ADAR: variants seen among roughly 807,000 people sequenced by gnomAD.
The protein encoded by ADAR is double-stranded RNA-specific adenosine deaminase.
In ADAR, 41 loss-of-function variants were observed where a neutral mutation model predicts 113.2. The ratio of observed to expected loss-of-function variants is 0.36; its 90% CI spans 0.28 to 0.47. The LOEUF is 0.47. Ranked by LOEUF, ADAR falls within the 20% of genes least tolerant of loss-of-function variation. ADAR has a pLI of 1.00. For synonymous variants in ADAR, 605 were observed against 572.6 expected, an observed-to-expected ratio of 1.06 and a Z score of -0.81; for missense variants, 1,242 against 1,540.9, an observed-to-expected ratio of 0.81 and a Z score of 3.25.
chr1:154,605,039 C>T (rs1994922), intron 1 of ADAR, among the ~76,000 whole-genome samples: 95,139 of 152,102 alleles, frequency 0.63, 30,839 homozygotes, highest in South Asian at 0.77. Context: ...TCCTCCTAGC[C>T]TATTAAGGCT....
At chr1:154,619,189 C>A (rs760770044) in intron 1 of ADAR, among the ~76,000 whole-genome samples, 9 of 152,156 alleles carry the variant, frequency 5.9e-5, no homozygotes, top group Non-Finnish European at 1.5e-5. Context: ...ATTCTGTCCA[C>A]TTTCCTAAGA....
Position 154,602,756 on chromosome 1 carries a change from G to A in ADAR, c.16-130C>T, listed in dbSNP as rs3738031. 11,921 of 1,175,262 alleles carry A rather than the reference G, an allele frequency of 0.01. 635 individuals carry two copies. The East Asian group carries it at 0.13, about 13-fold the overall frequency. 72.8% of individuals were successfully genotyped at this position (1,175,262 alleles called of 1,614,324 possible). ...GAAGGCAATTGAGCCATGGGCTTAT[G>A]ACTTGGCTAGGGTGACTTGCCTACC... On this transcript the variant is annotated intron_variant, in intron 1 of 14. Transcript: ENST00000368474.
intron 1 of ADAR, chr1:154,605,894 G>C: frequency 1.3e-6 from 1 of 779,240 alleles, no homozygotes; most frequent in Non-Finnish European, 1.6e-6. Flanking sequence ...TCAGTTAAAA[G>C]CTAAATGTTT....
At chr1:154,611,073 T>C (rs1341855291), upstream of ADAR, among the ~76,000 whole-genome samples, 2 of 152,176 alleles carry the variant, frequency 1.3e-5, no homozygotes, top group African/African-American at 4.8e-5. Context: ...ACTCTTGCTG[T>C]TGCAATTCCA....
At chr1:154,600,144 A>G (rs2101633290) in intron 2 of ADAR, 1 of 152,468 alleles carries the variant, frequency 6.6e-6, no homozygotes, top group Admixed American at 6.5e-5. Flanking sequence ...ATGCATGGAG[A>G]TCAATCATGT....
At position 154,601,726 on chromosome 1, in the gene ADAR, A is replaced by G; in HGVS notation, c.916T>C (p.Tyr306His). The G allele has an allele frequency of 6.2e-7, 1 of 1,614,248 alleles. No individual in the cohort carries two copies. The highest frequency in any genetic ancestry group is 8.5e-7 in the Non-Finnish European group (1 of 1,180,044). Residue 306 changes from tyrosine (Y) to histidine (H), a missense_variant, in exon 2 of 15, where the codon TAT becomes CAT. Tyr to His is a moderately conservative substitution (Grantham distance 83). Transcript: ENST00000368474. The surrounding 1 kb of genome is among the most constrained non-coding windows in gnomAD (Gnocchi z 4.7). ...MAEIKEKICDYLFNVSDSSAL... is the reference protein window; with the variant it reads ...MAEIKEKICDHLFNVSDSSAL... Reference sequence around the variant, plus strand: ...GAGGAGTCAGACACATTGAAGAGATAGTCGCAGATTTTCTCCTTGATCTCG... The same window carrying G: ...GAGGAGTCAGACACATTGAAGAGATGGTCGCAGATTTTCTCCTTGATCTCG...
At chr1:154,592,177 C>G (rs1697191476) in intron 6 of ADAR, among the ~76,000 whole-genome samples, 1 of 152,160 alleles carries the variant, frequency 6.6e-6, no homozygotes, top group Non-Finnish European at 1.5e-5. Flanking sequence ...TGCGCTTCTC[C>G]CACCACAGGA....
chr1:154,612,429 G>A (rs1002466666), upstream of ADAR, among the ~76,000 whole-genome samples: 52 of 135,962 alleles, frequency 3.8e-4, no homozygotes, highest in African/African-American at 1.3e-3. Context: ...CTGGGTTCAC[G>A]CCATTCTCCT....
At chr1:154,585,377 G>A in intron 13 of ADAR, 33 bp from the exon 14 acceptor site, 3 of 1,613,906 alleles carry the variant, frequency 1.9e-6, no homozygotes, top group Non-Finnish European at 2.5e-6. Flanking sequence ...GAGAAAGATG[G>A]AAACCTTTCA....
In ADAR at chr1:154,588,105, C is replaced by A. The variant is rs541066272; in HGVS notation, c.3019+20G>T. The A allele has an allele frequency of 2.5e-6, 4 of 1,612,706 alleles. No individual in the cohort carries two copies. ...TGCAGAGCCTTTTGAGGAAAGGAGG[C>A]GGGGGCATGTATCACTCACCGTTCT... On this transcript the variant is annotated intron_variant, in intron 11 of 14. Transcript: ENST00000368474.
At chr1:154,593,983 A>C (rs890980689) in intron 6 of ADAR, among the ~76,000 whole-genome samples, 9 of 151,994 alleles carry the variant, frequency 5.9e-5, no homozygotes, top group African/African-American at 2.2e-4. Flanking sequence ...TCCTGGGTTC[A>C]AGTAATTCTC....
chr1:154,600,904 A>C, intron 2 of ADAR, 137 bp downstream of exon 2: 41 of 1,181,028 alleles, frequency 3.5e-5, no homozygotes, highest in East Asian at 4.7e-5. Flanking sequence ...ATCAAGGGGA[A>C]TTTAGCTAAA....
intron 1 of ADAR, among the ~76,000 whole-genome samples, chr1:154,613,659 C>G (rs1239281982): frequency 6.6e-6 from 1 of 152,042 alleles, no homozygotes; most frequent in Non-Finnish European, 1.5e-5. Flanking sequence ...AATCCCAGCA[C>G]TTTGGGACAC....
chr1:154,623,453 A>G (rs986215679), intron 1 of ADAR, among the ~76,000 whole-genome samples: 1 of 152,176 alleles, frequency 6.6e-6, no homozygotes, highest in Non-Finnish European at 1.5e-5. Flanking sequence ...GTAAGCACAC[A>G]TGTGTGCATA....
chr1:154,624,792 T>G (rs1393521314), intron 1 of ADAR, among the ~76,000 whole-genome samples: 1 of 152,206 alleles, frequency 6.6e-6, no homozygotes, highest in African/African-American at 2.4e-5. Flanking sequence ...TCTCAAGAGA[T>G]TACTACAGAA....
intron 1 of ADAR, among the ~76,000 whole-genome samples, chr1:154,605,239 C>A (rs972257247): frequency 1.3e-5 from 2 of 152,134 alleles, no homozygotes; most frequent in African/African-American, 4.8e-5. Flanking sequence ...CCTCTACATG[C>A]CAATCCAGGT....
At chr1:154,599,809 A>T (rs57681917) in intron 2 of ADAR, among the ~76,000 whole-genome samples, 151,395 of 152,352 alleles carry the variant, frequency 0.99, 75,226 homozygotes, top group East Asian at 1. Flanking sequence ...AGTGAGGTAA[A>T]GGCTGACTTC....
intron 1 of ADAR, among the ~76,000 whole-genome samples, chr1:154,606,365 A>G (rs1447602011): frequency 6.6e-6 from 1 of 152,128 alleles, no homozygotes; most frequent in Non-Finnish European, 1.5e-5. Flanking sequence ...TGTCATATCT[A>G]TTTGTATTCA....
intron 1 of ADAR, among the ~76,000 whole-genome samples, chr1:154,621,302 G>A (rs948596526): frequency 6.6e-6 from 1 of 151,028 alleles, no homozygotes; most frequent in Non-Finnish European, 1.5e-5. Flanking sequence ...AAAAAAACTA[G>A]AATATAGAAT....
Sources: allele counts gnomAD v4.1 joint callset (sites outside exome capture counted in the v4.1 genomes callset), GRCh38; gene constraint gnomAD v4.1.1; non-coding constraint Gnocchi (gnomAD v3.1); transcripts MANE v1.5; gene names NCBI Gene and HGNC (gene_info 2026-07-23, HGNC 2026-07-21).